GABRB3: variants seen among roughly 807,000 people sequenced by gnomAD.
GABRB3 encodes the protein gamma-aminobutyric acid receptor subunit beta-3.
In GABRB3, 14 loss-of-function variants were observed where a neutral mutation model predicts 52.1. That is an observed-to-expected ratio of 0.27 (90% confidence interval 0.18 to 0.42). The LOEUF (loss-of-function observed/expected upper bound fraction) is 0.42, where lower values mean the gene tolerates loss of function less well. GABRB3 is among the 10% of genes least tolerant of loss of function. The pLI is 1.00. For missense variants in GABRB3, 307 were observed against 609.1 expected, an observed-to-expected ratio of 0.50 and a Z score of 5.22; for synonymous variants, 260 against 232.3, an observed-to-expected ratio of 1.12 and a Z score of -1.08.
At chr15:26,585,328 G>A (rs1890939908) in intron 4 of GABRB3, among the ~76,000 whole-genome samples, 2 of 152,146 alleles carry the variant, frequency 1.3e-5, no homozygotes. Flanking sequence ...CCAGTGTTGA[G>A]CTTTTTCTGA....
At chr15:26,708,328 A>G (rs1042983050) in intron 3 of GABRB3, among the ~76,000 whole-genome samples, 1 of 152,208 alleles carries the variant, frequency 6.6e-6, no homozygotes, top group Non-Finnish European at 1.5e-5. Flanking sequence ...CACAGATGGC[A>G]TTTACCAACT....
chr15:26,724,397 T>C (rs1889718454), intron 3 of GABRB3, among the ~76,000 whole-genome samples: 1 of 152,160 alleles, frequency 6.6e-6, no homozygotes, highest in Non-Finnish European at 1.5e-5. Context: ...AAATGCCTCA[T>C]TATATATCCT....
intron 4 of GABRB3, among the ~76,000 whole-genome samples, chr15:26,584,177 T>C (rs984218996): frequency 1.3e-5 from 2 of 152,208 alleles, no homozygotes; most frequent in Admixed American, 6.5e-5. Flanking sequence ...ATAGTCACCA[T>C]ATTGTACCAA....
intron 7 of GABRB3, among the ~76,000 whole-genome samples, chr15:26,566,310 T>C (rs1890169762): frequency 6.6e-6 from 1 of 152,176 alleles, no homozygotes; most frequent in Non-Finnish European, 1.5e-5. Flanking sequence ...TCCTGGGAAA[T>C]AAATCTGATC....
In GABRB3 at chr15:26,545,717, G is replaced by C. The variant is rs888094382; in HGVS notation, c.*2076C>G. 1 of 152,378 alleles carries C rather than the reference G, an allele frequency of 6.6e-6. No homozygotes were observed. Among genetic ancestry groups the C allele is most frequent in the Non-Finnish European group, 1.5e-5 (1 of 68,012 alleles). The allele number at this position is 152,378 out of a possible 1,614,324, so 9.4% of individuals were successfully genotyped here. On this transcript the variant is annotated 3_prime_UTR_variant, in exon 9 of 9. Transcript: ENST00000311550. ...CACTTAACAAGGTTTTTCCCAATCT[G>C]TTTAACTTTTAGGATCCCCCATTGT... is the stretch of plus-strand genomic sequence containing the variant.
chr15:26,742,924 CTTTTTTTTTT>C (rs779891729), intron 3 of GABRB3, among the ~76,000 whole-genome samples: 3 of 48,836 alleles, frequency 6.1e-5, no homozygotes, highest in South Asian at 1.2e-3. Context: ...ATTAGAGATT[CTTTTTTTTTT>C]TTTTTTTTTT....
rs536961974 is a variant in GABRB3, at chr15:26,544,796, C to A, written c.*2997G>T. The A allele has an allele frequency of 5.2e-5, 8 of 152,696 alleles. No homozygotes were observed. The South Asian group carries it at 1.0e-3, about 20-fold the overall frequency. 9.5% of individuals were successfully genotyped at this position (152,696 alleles called of 1,614,324 possible). On this transcript the variant is annotated 3_prime_UTR_variant, in exon 9 of 9. Coordinates refer to ENST00000311550, the MANE Select transcript of GABRB3 (RefSeq NM_000814.6). ...GACAGGACTACTGAGAAAATTAACT[C>A]TTTATTACTTTCAATTGTTAAGAAA...
intron 3 of GABRB3, among the ~76,000 whole-genome samples, chr15:26,750,496 C>T (rs1195058394): frequency 3.3e-5 from 5 of 152,094 alleles, no homozygotes; most frequent in Non-Finnish European, 7.4e-5. Flanking sequence ...ATTTTCTTTG[C>T]TGTGTGTCAA....
At chr15:26,627,108 T>A (rs2140550686) in intron 3 of GABRB3, among the ~76,000 whole-genome samples, 1 of 152,298 alleles carries the variant, frequency 6.6e-6, no homozygotes, top group East Asian at 1.9e-4. Context: ...AGAATTCTGC[T>A]AATCTACTCC....
chr15:26,655,198 C>T (rs1274505201), intron 3 of GABRB3, among the ~76,000 whole-genome samples: 1 of 152,114 alleles, frequency 6.6e-6, no homozygotes, highest in East Asian at 1.9e-4. Context: ...GAATTTTGTG[C>T]TGCATGCTTC....
At chr15:26,711,570 T>TGGGG (rs1889297136) in intron 3 of GABRB3, among the ~76,000 whole-genome samples, 1 of 152,150 alleles carries the variant, frequency 6.6e-6, no homozygotes, top group African/African-American at 2.4e-5. Context: ...TTGTCAACAC[T>TGGGG]ACCTCCCCCG....
chr15:26,717,247 C>T (rs1436150738), intron 3 of GABRB3, among the ~76,000 whole-genome samples: 2 of 150,306 alleles, frequency 1.3e-5, no homozygotes, highest in African/African-American at 4.9e-5. Context: ...GGACCTCCAC[C>T]CTATGACAGC....
At chr15:26,698,085 C>T (rs1888802279) in intron 3 of GABRB3, among the ~76,000 whole-genome samples, 2 of 152,166 alleles carry the variant, frequency 1.3e-5, no homozygotes, top group African/African-American at 4.8e-5. Context: ...CAACAGCCCC[C>T]GTGCAATCTG....
intron 3 of GABRB3, among the ~76,000 whole-genome samples, chr15:26,743,476 A>T (rs1200526529): frequency 3.0e-4 from 46 of 152,126 alleles, no homozygotes; most frequent in Admixed American, 3.0e-3. Context: ...AACTTGCCCT[A>T]AATTGTAGGC....
chr15:26,726,659 G>A (rs1050276237), intron 3 of GABRB3, among the ~76,000 whole-genome samples: 24 of 152,144 alleles, frequency 1.6e-4, no homozygotes, highest in Middle Eastern at 3.2e-3. Context: ...ATGTCATAGA[G>A]GTGATGCTGT....
At position 26,731,045 on chromosome 15, in the gene GABRB3, A is replaced by T. The variant is rs1889896373; in HGVS notation, c.240+41357T>A. Among the ~76,000 whole-genome samples the T allele has an allele frequency of 2.1e-5, 3 of 145,790 alleles. 1 individual carries two copies. Among genetic ancestry groups the T allele is most frequent in the Non-Finnish European group, 4.5e-5 (3 of 67,370 alleles). ...ATTTTCAGCAACACCAGTATTAATG[A>T]TGCAGGCTCTCTCACTCGCTCTCGC... is the stretch of plus-strand genomic sequence containing the variant. On this transcript the variant is annotated intron_variant, in intron 3 of 8. Coordinates refer to ENST00000311550, the MANE Select transcript of GABRB3 (RefSeq NM_000814.6).
chr15:26,667,347 C>G (rs78592452), intron 3 of GABRB3, among the ~76,000 whole-genome samples: 1,644 of 152,238 alleles, frequency 0.011, 28 homozygotes, highest in African/African-American at 0.038. Context: ...GGGGGTGACA[C>G]AGTCCGGGAC....
chr15:26,602,846 T>A (rs933082457), intron 4 of GABRB3, among the ~76,000 whole-genome samples: 1 of 151,980 alleles, frequency 6.6e-6, no homozygotes, highest in East Asian at 1.9e-4. Context: ...TTTCCACTGA[T>A]GTATCTTTAC....
At chr15:26,549,725 C>CATCCA (rs1397732711) in intron 8 of GABRB3, among the ~76,000 whole-genome samples, 1 of 152,132 alleles carries the variant, frequency 6.6e-6, no homozygotes, top group African/African-American at 2.4e-5. Flanking sequence ...CAGGATCCAG[C>CATCCA]ATCCAATCAG....
Sources: gnomAD v4.1 joint callset for allele counts (sites outside exome capture counted in the v4.1 genomes callset) on GRCh38, gnomAD v4.1.1 for gene constraint, MANE v1.5 for transcripts, NCBI Gene and HGNC (gene_info 2026-07-23, HGNC 2026-07-21) for gene names.